The following CSMD1 variants were observed in gnomAD, a reference collection of about 807,000 sequenced individuals.
CSMD1 encodes CUB and sushi domain-containing protein 1.
Under a neutral mutation model 417.5 loss-of-function variants are expected in CSMD1, and 213 were observed. The observed-to-expected ratio is 0.51, with a 90% CI of 0.46 to 0.57. The LOEUF (loss-of-function observed/expected upper bound fraction) is 0.57, where lower values mean the gene tolerates loss of function less well. Among genes scored for constraint, CSMD1 ranks in the 20% least tolerant of loss-of-function variants. The pLI, the probability that CSMD1 is intolerant of heterozygous loss-of-function variation, is 0.00. For synonymous variants in CSMD1, 2,862 were observed against 1,736.8 expected (o/e 1.65, Z -16.11); for missense variants, 6,923 against 4,529.7 (o/e 1.53, Z -15.17).
At chr8:3,140,274 A>C (rs1818356749) in intron 41 of CSMD1, among the ~76,000 whole-genome samples, 1 of 152,180 alleles carries the variant, frequency 6.6e-6, no homozygotes, top group South Asian at 2.1e-4. Context: ...ATAGATGCAC[A>C]GGCAAGCAGA....
chr8:4,775,275 T>TA (rs1796791537), intron 1 of CSMD1, among the ~76,000 whole-genome samples: 2 of 152,180 alleles, frequency 1.3e-5, no homozygotes, highest in South Asian at 4.1e-4. Context: ...CTGCAATGAT[T>TA]ACATCAGGTC....
chr8:3,105,243 G>A (rs544618732), intron 46 of CSMD1, among the ~76,000 whole-genome samples: 13 of 152,152 alleles, frequency 8.5e-5, no homozygotes, highest in Non-Finnish European at 1.3e-4. Context: ...GCTCAAAGCT[G>A]CCTGATGGGG....
At chr8:3,892,143 T>G (rs954409210) in intron 5 of CSMD1, among the ~76,000 whole-genome samples, 2 of 151,964 alleles carry the variant, frequency 1.3e-5, no homozygotes, top group Non-Finnish European at 2.9e-5. Context: ...ATCAGTAAAG[T>G]GAAAGGTAAC....
chr8:4,167,993 G>C (rs901107531), intron 3 of CSMD1, among the ~76,000 whole-genome samples: 1 of 151,984 alleles, frequency 6.6e-6, no homozygotes, highest in African/African-American at 2.4e-5. Flanking sequence ...GCCAGGCGTG[G>C]TGGCAGACTC....
chr8:4,210,833 T>C (rs1387543445), intron 3 of CSMD1, among the ~76,000 whole-genome samples: 3 of 152,160 alleles, frequency 2.0e-5, no homozygotes, highest in African/African-American at 4.8e-5. Flanking sequence ...GAAAGAATCA[T>C]GTATCTCGGG....
intron 18 of CSMD1, among the ~76,000 whole-genome samples, chr8:3,375,615 C>G: frequency 6.6e-6 from 1 of 151,826 alleles, no homozygotes; most frequent in Admixed American, 6.6e-5. Context: ...AACTTTCCAC[C>G]AAAAGGAATC....
intron 3 of CSMD1, among the ~76,000 whole-genome samples, chr8:4,105,595 G>T (rs1390419349): frequency 6.6e-6 from 1 of 152,166 alleles, no homozygotes; most frequent in Non-Finnish European, 1.5e-5. Context: ...GGTGATGAGG[G>T]CTACAGCAGA....
chr8:3,670,390 A>G (rs1798925959), intron 7 of CSMD1, among the ~76,000 whole-genome samples: 1 of 151,348 alleles, frequency 6.6e-6, no homozygotes, highest in East Asian at 1.9e-4. Context: ...CAGATGGCCT[A>G]TTGTCGGACC....
At chr8:4,587,007 C>T (rs1799734496) in intron 2 of CSMD1, among the ~76,000 whole-genome samples, 1 of 152,006 alleles carries the variant, frequency 6.6e-6, no homozygotes, top group African/African-American at 2.4e-5. Flanking sequence ...ATAGAGATAC[C>T]CATTAAAAAT....
At chr8:4,831,518 A>T (rs769447242) in intron 1 of CSMD1, among the ~76,000 whole-genome samples, 9 of 151,314 alleles carry the variant, frequency 5.9e-5, no homozygotes, top group Non-Finnish European at 1.2e-4. Context: ...CATGGTACAT[A>T]TTTTTTTTTA....
chr8:3,104,371 C>T (rs993381492), intron 46 of CSMD1, among the ~76,000 whole-genome samples: 22 of 152,252 alleles, frequency 1.4e-4, no homozygotes, highest in East Asian at 7.8e-4. Flanking sequence ...ATGCAATCCC[C>T]ACTTCTAAGT....
At chr8:4,055,009 T>G (rs1412014352) in intron 3 of CSMD1, among the ~76,000 whole-genome samples, 2 of 152,202 alleles carry the variant, frequency 1.3e-5, no homozygotes, top group South Asian at 2.1e-4. Flanking sequence ...TATAAATGTG[T>G]GTGAAGAAGG....
intron 3 of CSMD1, among the ~76,000 whole-genome samples, chr8:4,315,773 C>G (rs1410197461): frequency 6.6e-6 from 1 of 150,632 alleles, no homozygotes; most frequent in African/African-American, 2.4e-5. Flanking sequence ...CATTTCATTT[C>G]AAAACATATT....
At chr8:4,808,061 A>T (rs1382232278) in intron 1 of CSMD1, among the ~76,000 whole-genome samples, 1 of 152,064 alleles carries the variant, frequency 6.6e-6, no homozygotes, top group Non-Finnish European at 1.5e-5. Context: ...TGTAAATAAT[A>T]CTCGTGTGGG....
At chr8:4,514,603 G>T (rs553924129) in intron 2 of CSMD1, among the ~76,000 whole-genome samples, 1 of 152,210 alleles carries the variant, frequency 6.6e-6, no homozygotes, top group Non-Finnish European at 1.5e-5. Flanking sequence ...CTACATTCCT[G>T]TATCTTGGTT....
At chr8:3,226,332 C>G (rs917499116) in intron 27 of CSMD1, among the ~76,000 whole-genome samples, 6 of 152,070 alleles carry the variant, frequency 3.9e-5, no homozygotes, top group African/African-American at 4.8e-5. Context: ...CTTGTAATCC[C>G]AGCACTTTGG....
chr8:3,986,937 T>G (rs1001484345), intron 5 of CSMD1, among the ~76,000 whole-genome samples: 1 of 152,064 alleles, frequency 6.6e-6, no homozygotes, highest in Non-Finnish European at 1.5e-5. Context: ...GTATTTTTAG[T>G]ATACAGGGCG....
intron 6 of CSMD1, among the ~76,000 whole-genome samples, chr8:3,743,686 AT>A (rs1157402055): frequency 1.3e-5 from 2 of 151,928 alleles, no homozygotes. Context: ...ACTTCTCCGT[AT>A]TTTTTCCCAT....
chr8:4,880,607 C>G (rs557347767), intron 1 of CSMD1, among the ~76,000 whole-genome samples: 38 of 152,056 alleles, frequency 2.5e-4, no homozygotes, highest in African/African-American at 8.2e-4. Context: ...CACATTGCCT[C>G]TATTGGATTT....
Sources: allele counts gnomAD v4.1 joint callset (sites outside exome capture counted in the v4.1 genomes callset), GRCh38; gene constraint gnomAD v4.1.1; transcripts MANE v1.5; gene names NCBI Gene and HGNC (gene_info 2026-07-23, HGNC 2026-07-21).